The following MALRD1 variants were observed in gnomAD, a reference collection of about 807,000 sequenced individuals.
MALRD1 encodes the protein MAM and LDL-receptor class A domain-containing protein 1.
A neutral mutation model predicts 242.1 loss-of-function variants in MALRD1; 247 were observed. That is an observed-to-expected ratio of 1.02 (90% CI 0.92 to 1.13). The LOEUF (loss-of-function observed/expected upper bound fraction) is 1.13. Ranked by LOEUF, MALRD1 falls within the 50% of genes most tolerant of loss-of-function variation. The pLI, the probability that MALRD1 is intolerant of heterozygous loss-of-function variation, is 0.00. For synonymous variants in MALRD1, 995 were observed against 866.6 expected, an observed-to-expected ratio of 1.15 and a Z score of -2.60; for missense variants, 2,989 against 2,533.1, an observed-to-expected ratio of 1.18 and a Z score of -3.86.
At chr10:19,361,765 A>G (rs770875627) in intron 26 of MALRD1, among the ~76,000 whole-genome samples, 1 of 152,108 alleles carries the variant, frequency 6.6e-6, no homozygotes, top group African/African-American at 2.4e-5. Flanking sequence ...CATTTTATCT[A>G]TGTAAAATTC....
chr10:19,381,043 G>T (rs11009670), intron 26 of MALRD1, among the ~76,000 whole-genome samples: 2 of 131,238 alleles, frequency 1.5e-5, no homozygotes, highest in Admixed American at 1.6e-4. Context: ...ATATCTCCCA[G>T]TGCTATCCCT....
chr10:19,379,973 A>ATTT (rs35629873), intron 26 of MALRD1, among the ~76,000 whole-genome samples: 5 of 130,602 alleles, frequency 3.8e-5, no homozygotes, highest in African/African-American at 5.8e-5. Flanking sequence ...TTTTTATTTA[A>ATTT]TTTTTTTTTT....
chr10:19,369,041 G>A (rs1845244684), intron 26 of MALRD1, among the ~76,000 whole-genome samples: 1 of 147,416 alleles, frequency 6.8e-6, no homozygotes, highest in African/African-American at 2.5e-5. Flanking sequence ...AGATACTTTA[G>A]CAGATACTCC....
At chr10:19,478,239 C>A (rs974774443) in intron 29 of MALRD1, among the ~76,000 whole-genome samples, 1 of 152,160 alleles carries the variant, frequency 6.6e-6, no homozygotes, top group Non-Finnish European at 1.5e-5. Flanking sequence ...AAATCCTAAG[C>A]AAAAGCTATC....
intron 31 of MALRD1, among the ~76,000 whole-genome samples, chr10:19,512,750 A>G (rs2131293123): frequency 6.6e-6 from 1 of 152,208 alleles, no homozygotes; most frequent in East Asian, 1.9e-4. Flanking sequence ...TTGTCTTCCC[A>G]GAATTATGGA....
At chr10:19,452,511 A>C (rs1835387120) in intron 29 of MALRD1, among the ~76,000 whole-genome samples, 1 of 152,200 alleles carries the variant, frequency 6.6e-6, no homozygotes, top group African/African-American at 2.4e-5. Context: ...CATTTAATAC[A>C]TTTTCAGAAA....
chr10:19,246,817 A>T (rs1188507379), intron 18 of MALRD1, among the ~76,000 whole-genome samples: 1 of 152,126 alleles, frequency 6.6e-6, no homozygotes, highest in African/African-American at 2.4e-5. Flanking sequence ...TTTTATTTCT[A>T]TATGTACAAA....
chr10:19,433,211 G>C (rs192232962), intron 28 of MALRD1, among the ~76,000 whole-genome samples: 1 of 152,184 alleles, frequency 6.6e-6, no homozygotes, highest in African/African-American at 2.4e-5. Flanking sequence ...TATCCTGCTC[G>C]CAGAGTGTAT....
chr10:19,056,402 C>G (rs539729656), intron 1 of MALRD1, among the ~76,000 whole-genome samples: 2 of 151,746 alleles, frequency 1.3e-5, no homozygotes, highest in African/African-American at 4.8e-5. Flanking sequence ...GCAGATATTT[C>G]ACCTTGTTAA....
chr10:19,182,801 G>A (rs1190884240), intron 14 of MALRD1, among the ~76,000 whole-genome samples: 1 of 152,126 alleles, frequency 6.6e-6, no homozygotes, highest in Non-Finnish European at 1.5e-5. Flanking sequence ...GAGAAACGAT[G>A]CCCTTAGTCT....
chr10:19,384,581 TTAC>T (rs1845991352), intron 26 of MALRD1, among the ~76,000 whole-genome samples: 1 of 125,160 alleles, frequency 8.0e-6, no homozygotes, highest in Non-Finnish European at 1.6e-5. Context: ...AATATAATAT[TTAC>T]TATATATTAT....
intron 28 of MALRD1, among the ~76,000 whole-genome samples, chr10:19,406,773 A>G (rs2130870811): frequency 6.6e-6 from 1 of 152,238 alleles, no homozygotes; most frequent in Non-Finnish European, 1.5e-5. Flanking sequence ...TCAAATAATG[A>G]CCCTATCTCA....
At chr10:19,304,355 G>C (rs2484097) in intron 21 of MALRD1, among the ~76,000 whole-genome samples, 66,254 of 150,996 alleles carry the variant, frequency 0.44, 14,637 homozygotes, top group South Asian at 0.55. Flanking sequence ...CTCTCTCTCT[G>C]CCTCTCTGTA....
chr10:19,312,226 T>TGTTTTTCC (rs1332862672), intron 21 of MALRD1, among the ~76,000 whole-genome samples: 15 of 151,312 alleles, frequency 9.9e-5, no homozygotes, highest in African/African-American at 3.4e-4. Flanking sequence ...GGTTAAGAAC[T>TGTTTTTCC]AGAACAAACT....
intron 26 of MALRD1, among the ~76,000 whole-genome samples, chr10:19,367,164 T>C (rs1431413896): frequency 6.6e-6 from 1 of 152,140 alleles, no homozygotes; most frequent in Non-Finnish European, 1.5e-5. Flanking sequence ...TAATATATTA[T>C]TGTTAGCTAT....
chr10:19,377,852 T>G (rs1016503478), intron 26 of MALRD1, among the ~76,000 whole-genome samples: 1 of 152,040 alleles, frequency 6.6e-6, no homozygotes, highest in Non-Finnish European at 1.5e-5. Flanking sequence ...GAAATATAAT[T>G]TCCTTTCAGT....
chr10:19,265,806 G>A (rs954818959), intron 19 of MALRD1, among the ~76,000 whole-genome samples: 1 of 151,932 alleles, frequency 6.6e-6, no homozygotes, highest in Non-Finnish European at 1.5e-5. Flanking sequence ...TCCATTGTTG[G>A]AAGTGGGATA....
chr10:19,486,339 C>A (rs1033119706), intron 29 of MALRD1, among the ~76,000 whole-genome samples: 3 of 152,008 alleles, frequency 2.0e-5, no homozygotes, highest in African/African-American at 7.2e-5. Context: ...AGTTAAAATT[C>A]TTTGTTGTGG....
At chr10:19,440,062 A>C (rs1421280197) in intron 28 of MALRD1, among the ~76,000 whole-genome samples, 1 of 152,044 alleles carries the variant, frequency 6.6e-6, no homozygotes, top group Non-Finnish European at 1.5e-5. Flanking sequence ...CCATCTTACC[A>C]CTGTCTGATT....
Sources: allele counts gnomAD v4.1 joint callset (sites outside exome capture counted in the v4.1 genomes callset), GRCh38; gene constraint gnomAD v4.1.1; transcripts MANE v1.5; gene names NCBI Gene and HGNC (gene_info 2026-07-23, HGNC 2026-07-21).